Variants in LMNB1 observed in about 807,000 individuals in gnomAD.
LMNB1 encodes the protein lamin-B1.
Under a neutral mutation model 67.1 loss-of-function variants are expected in LMNB1, and 23 were observed. The ratio of observed to expected loss-of-function variants is 0.34; its 90% CI spans 0.25 to 0.49. The LOEUF (loss-of-function observed/expected upper bound fraction) is 0.49, where lower values mean the gene tolerates loss of function less well. Ranked by LOEUF, LMNB1 falls within the 20% of genes least tolerant of loss-of-function variation. The pLI is 0.99. For missense variants in LMNB1, 634 were observed against 746.5 expected (o/e 0.85, Z 1.76); for synonymous variants, 281 against 282.9 (o/e 0.99, Z 0.07).
chr5:126,822,701 G>C (rs986788846), intron 7 of LMNB1, 80 bp from the exon 8 acceptor site: 1 of 836,562 alleles, frequency 1.2e-6, no homozygotes, highest in Non-Finnish European at 1.9e-6. Flanking sequence ...TTAACTGCCT[G>C]TATGGATTAA....
At chr5:126,799,020 CTTTT>C (rs201572633) in intron 1 of LMNB1, among the ~76,000 whole-genome samples, 6 of 134,964 alleles carry the variant, frequency 4.4e-5, no homozygotes, top group African/African-American at 1.4e-4. Context: ...GATGCATTGA[CTTTT>C]TTTTTTTTTT....
intron 1 of LMNB1, among the ~76,000 whole-genome samples, chr5:126,778,247 G>A: frequency 6.6e-6 from 1 of 152,000 alleles, no homozygotes. Flanking sequence ...GCGAGCGCGC[G>A]CTCGCGTGCG....
chr5:126,787,541 TA>T (rs1424698368), intron 1 of LMNB1, among the ~76,000 whole-genome samples: 3 of 63,908 alleles, frequency 4.7e-5, no homozygotes, highest in East Asian at 3.6e-4. Flanking sequence ...TATATATATA[TA>T]TATATTTTTT....
chr5:126,799,669 G>C (rs1453656384), intron 1 of LMNB1, among the ~76,000 whole-genome samples: 16 of 152,158 alleles, frequency 1.1e-4, no homozygotes, highest in Admixed American at 1.0e-3. Flanking sequence ...TTCTCTTCCT[G>C]GTAGTACATA....
At position 126,803,634 on chromosome 5, in the gene LMNB1, C is replaced by T. The variant is rs1257492824; in HGVS notation, c.360-1142C>T. 2.6e-5 allele frequency among the ~76,000 whole-genome samples: 4 copies of T among 152,038 alleles called. No individual in the cohort carries two copies. In the East Asian group the frequency reaches 7.7e-4, roughly 29 times the overall value. Reference sequence around the variant, plus strand: ...CGGTCTCGGCTCACTGCAACCTCCACCTCCTGAGTTCAAGTGATTCTCCTG... The same window carrying T: ...CGGTCTCGGCTCACTGCAACCTCCATCTCCTGAGTTCAAGTGATTCTCCTG... On this transcript the variant is annotated intron_variant, in intron 1 of 10. Transcript: ENST00000261366.
intron 1 of LMNB1, among the ~76,000 whole-genome samples, chr5:126,778,183 G>A (rs1489682863): frequency 6.6e-6 from 1 of 152,118 alleles, no homozygotes; most frequent in Non-Finnish European, 1.5e-5. Context: ...CTCGAATCCG[G>A]GGAGCCGGCG....
intron 7 of LMNB1, among the ~76,000 whole-genome samples, chr5:126,822,494 C>T (rs1751893057): frequency 6.6e-6 from 1 of 152,098 alleles, no homozygotes; most frequent in African/African-American, 2.4e-5. Flanking sequence ...TTTGAAAGAC[C>T]CACCTTATCT....
intron 10 of LMNB1, 61 bp from the exon 11 acceptor site, chr5:126,836,162 A>T (rs1752243465): frequency 7.5e-7 from 1 of 1,335,818 alleles, no homozygotes; most frequent in South Asian, 1.2e-5. Flanking sequence ...TTTTTGTCTT[A>T]TTTTAGAATA....
At position 126,822,826 on chromosome 5, in the gene LMNB1, A is replaced by G; in HGVS notation, c.1432A>G (p.Thr478Ala). The G allele has an allele frequency of 1.2e-6, 2 of 1,613,432 alleles. No homozygotes were observed. Among genetic ancestry groups the G allele is most frequent in the Non-Finnish European group, 1.7e-6 (2 of 1,179,398 alleles). ...GGAGATGATCAGAAAAATTGGAGAC[A>G]CATCAGTCAGTTATAAATATACCTC... ...GWEMIRKIGD[T>A]SVSYKYTSRY... is the part of the protein sequence containing the mutation. The change falls in exon 8 of 11, where the codon ACA becomes GCA. Residue 478 changes from threonine to alanine, a missense_variant. Transcript: ENST00000261366.
intron 1 of LMNB1, among the ~76,000 whole-genome samples, chr5:126,799,516 T>C (rs943066491): frequency 3.3e-5 from 5 of 152,248 alleles, no homozygotes; most frequent in Non-Finnish European, 7.3e-5. Flanking sequence ...GATAAGTCTT[T>C]ATGCTACCTA....
Position 126,777,681 on chromosome 5 carries a change from G to A in LMNB1, c.173G>A (p.Ser58Asn), listed in dbSNP as rs1211402150. ...GTGCGCAGCCTGGAGACGGAGAACA[G>A]CGCGCTGCAGCTGCAGGTGACGGAG... ...DKVRSLETEN[S>N]ALQLQVTERE... Residue 58 changes from serine to asparagine, a missense_variant, in exon 1 of 11, where the codon AGC (serine) becomes AAC (asparagine). Physicochemically the swap from Ser to Asn is conservative, Grantham distance 46. Coordinates refer to ENST00000261366, the MANE Select transcript of LMNB1 (RefSeq NM_005573.4). 1.3e-6 allele frequency: 2 copies of A among 1,545,122 alleles called. No individual in the cohort carries two copies. Among genetic ancestry groups the A allele is most frequent in the East Asian group, 2.5e-5 (1 of 40,296 alleles).
intron 1 of LMNB1, among the ~76,000 whole-genome samples, chr5:126,788,795 A>G (rs1226877391): frequency 1.3e-5 from 2 of 152,180 alleles, no homozygotes; most frequent in African/African-American, 4.8e-5. Context: ...AGAGGAAACC[A>G]CTGGCCATAA....
intron 8 of LMNB1, among the ~76,000 whole-genome samples, chr5:126,825,381 C>T (rs1287668286): frequency 2.0e-5 from 3 of 152,256 alleles, no homozygotes; most frequent in Middle Eastern, 3.4e-3. Flanking sequence ...CTTTTTGGAG[C>T]GCAGTCTCAG....
chr5:126,829,851 G>A (rs1219141149), intron 9 of LMNB1, among the ~76,000 whole-genome samples: 1 of 152,060 alleles, frequency 6.6e-6, no homozygotes. Flanking sequence ...GTGCTCCATG[G>A]GGGGTGTGTA....
At chr5:126,783,024 A>AC (rs1750670429) in intron 1 of LMNB1, among the ~76,000 whole-genome samples, 1 of 146,256 alleles carries the variant, frequency 6.8e-6, no homozygotes, top group Non-Finnish European at 1.5e-5. Context: ...ACACTGTGAA[A>AC]CCCCATCTCC....
intron 1 of LMNB1, among the ~76,000 whole-genome samples, chr5:126,784,162 T>C (rs1000306241): frequency 6.7e-5 from 10 of 149,566 alleles, no homozygotes; most frequent in Admixed American, 6.0e-4. Context: ...GTAGCTGGGA[T>C]TACAGGCATG....
At chr5:126,800,981 A>AT (rs1554113727) in intron 1 of LMNB1, among the ~76,000 whole-genome samples, 3,896 of 26,114 alleles carry the variant, frequency 0.15, 249 homozygotes, top group Non-Finnish European at 0.21. Context: ...ATATATATAT[A>AT]ATTTTTTTTT....
intron 1 of LMNB1, among the ~76,000 whole-genome samples, chr5:126,786,994 C>A (rs919475097): frequency 2.0e-5 from 3 of 152,146 alleles, no homozygotes; most frequent in Non-Finnish European, 4.4e-5. Flanking sequence ...CTTTAATACT[C>A]ATGACAGGGT....
intron 1 of LMNB1, among the ~76,000 whole-genome samples, chr5:126,803,902 G>C (rs1466558389): frequency 1.3e-5 from 2 of 152,090 alleles, no homozygotes. Flanking sequence ...TAATTTTTAT[G>C]CAAAATATTA....
Sources: allele counts gnomAD v4.1 joint callset (sites outside exome capture counted in the v4.1 genomes callset), GRCh38; gene constraint gnomAD v4.1.1; transcripts MANE v1.5; gene names NCBI Gene and HGNC (gene_info 2026-07-23, HGNC 2026-07-21).